The following NXPH1 variants were observed in gnomAD, a reference collection of about 807,000 sequenced individuals.
NXPH1 encodes neurexophilin 1.
NXPH1 carries 5 observed loss-of-function variants against 23.7 expected under a neutral mutation model. The ratio of observed to expected loss-of-function variants is 0.21; its 90% CI spans 0.11 to 0.44. The LOEUF (loss-of-function observed/expected upper bound fraction) is 0.44. Ranked by LOEUF, NXPH1 falls within the 20% of genes least tolerant of loss-of-function variation. The pLI, the probability that NXPH1 is intolerant of heterozygous loss-of-function variation, is 0.99. For synonymous variants in NXPH1, 144 were observed against 122.2 expected (o/e 1.18, Z -1.18); for missense variants, 324 against 321.6 (o/e 1.01, Z -0.06).
chr7:8,625,240 G>GTAAAATATAACA (rs1302718914), intron 2 of NXPH1, among the ~76,000 whole-genome samples: 1 of 152,126 alleles, frequency 6.6e-6, no homozygotes, highest in Admixed American at 6.6e-5. Flanking sequence ...TAACTTGACT[G>GTAAAATATAACA]AATAGTAAAA....
chr7:8,714,530 G>C (rs1246367349), intron 2 of NXPH1, among the ~76,000 whole-genome samples: 1 of 151,880 alleles, frequency 6.6e-6, no homozygotes, highest in African/African-American at 2.4e-5. Context: ...AGCCACCACA[G>C]ATGTTAATGT....
At chr7:8,501,253 T>C (rs983733183) in intron 2 of NXPH1, among the ~76,000 whole-genome samples, 1 of 152,102 alleles carries the variant, frequency 6.6e-6, no homozygotes, top group African/African-American at 2.4e-5. Flanking sequence ...GCTTTTCATG[T>C]GCACAATGCA....
At chr7:8,696,697 A>G (rs1263927946) in intron 2 of NXPH1, among the ~76,000 whole-genome samples, 2 of 151,950 alleles carry the variant, frequency 1.3e-5, no homozygotes, top group Non-Finnish European at 2.9e-5. Context: ...GTATAGAGAG[A>G]GTAGAATAAA....
At chr7:8,494,121 A>G (rs1233099113) in intron 2 of NXPH1, among the ~76,000 whole-genome samples, 1 of 152,018 alleles carries the variant, frequency 6.6e-6, no homozygotes, top group African/African-American at 2.4e-5. Flanking sequence ...GCTCACAGGG[A>G]GGTACTACTT....
chr7:8,681,926 T>C (rs1562453167), intron 2 of NXPH1, among the ~76,000 whole-genome samples: 1 of 152,170 alleles, frequency 6.6e-6, no homozygotes, highest in Non-Finnish European at 1.5e-5. Flanking sequence ...TTGCCCCTTT[T>C]CTAGAAATCT....
At chr7:8,474,764 T>A (rs914874542) in intron 2 of NXPH1, among the ~76,000 whole-genome samples, 1 of 152,156 alleles carries the variant, frequency 6.6e-6, no homozygotes, top group Non-Finnish European at 1.5e-5. Context: ...TACTTTTTCA[T>A]GTCTCTTTTT....
chr7:8,472,958 C>T (rs1215537338), intron 2 of NXPH1, among the ~76,000 whole-genome samples: 2 of 152,148 alleles, frequency 1.3e-5, no homozygotes, highest in African/African-American at 4.8e-5. Flanking sequence ...TATGGCCAAT[C>T]TACCTTGTCA....
At chr7:8,516,953 G>A (rs1238680820) in intron 2 of NXPH1, among the ~76,000 whole-genome samples, 1 of 152,046 alleles carries the variant, frequency 6.6e-6, no homozygotes, top group African/African-American at 2.4e-5. Flanking sequence ...TTGTCCTTTA[G>A]GGTTTAATTA....
chr7:8,724,588 C>G (rs915700470), intron 2 of NXPH1, among the ~76,000 whole-genome samples: 1 of 152,232 alleles, frequency 6.6e-6, no homozygotes, highest in Non-Finnish European at 1.5e-5. Flanking sequence ...TACAGCATCT[C>G]TAGTCATTTT....
chr7:8,751,450 G>A lies in NXPH1; in HGVS notation c.497G>A (p.Ser166Asn), dbSNP rs1164012841. The A allele has an allele frequency of 1.9e-6, 3 of 1,613,818 alleles. No homozygotes were observed. The highest frequency in any genetic ancestry group is 1.6e-4 in the Middle Eastern group (1 of 6,062). The change falls in exon 3 of 3, where the codon AGC (serine) becomes AAC (asparagine). Residue 166 changes from serine (S) to asparagine (N), a missense_variant. Ser to Asn is a conservative substitution (Grantham distance 46, BLOSUM62 1). Transcript: ENST00000405863. This position sits in a 1 kb window ranked among gnomAD's most constrained non-coding sequence, Gnocchi z 4.5. ...ACTGGTCAAGGGAATGTATCTGTCA[G>A]CTTGGTACCCCCTACAAAAATCGTG... ...NSTGQGNVSV[S>N]LVPPTKIVEF...
rs1253420728 is a variant in NXPH1, at chr7:8,442,048, G to A, written c.54+6281G>A. Among the ~76,000 whole-genome samples the A allele has an allele frequency of 1.3e-5, 2 of 152,286 alleles. No homozygotes were observed. The highest frequency in any genetic ancestry group is 3.9e-4 in the East Asian group (2 of 5,162). On this transcript the variant is annotated intron_variant, in intron 2 of 2. Coordinates refer to ENST00000405863, the MANE Select transcript of NXPH1 (RefSeq NM_152745.3). The surrounding 1 kb of genome is among the most constrained non-coding windows in gnomAD (Gnocchi z 4.6). Reference sequence around the variant, plus strand: ...GAAAGCGAGATGGCGTTGGGAGCCAGGGCGTTGGGACGGCACAAGCAGTGG... The same window carrying A: ...GAAAGCGAGATGGCGTTGGGAGCCAAGGCGTTGGGACGGCACAAGCAGTGG...
intron 2 of NXPH1, among the ~76,000 whole-genome samples, chr7:8,719,442 C>G (rs1038962937): frequency 2.0e-5 from 3 of 150,600 alleles, no homozygotes; most frequent in Non-Finnish European, 4.4e-5. Flanking sequence ...ATAGTACAAC[C>G]CTAGTGGGGA....
intron 2 of NXPH1, among the ~76,000 whole-genome samples, chr7:8,646,582 T>C (rs1820403048): frequency 1.3e-5 from 2 of 152,250 alleles, no homozygotes; most frequent in South Asian, 4.1e-4. Context: ...TATTTGTAGT[T>C]ATATTTTATC....
intron 2 of NXPH1, among the ~76,000 whole-genome samples, chr7:8,673,435 CA>C (rs1241573116): frequency 2.0e-5 from 3 of 152,142 alleles, no homozygotes; most frequent in Admixed American, 1.3e-4. Flanking sequence ...GATATATACT[CA>C]AAAATGGAAA....
At chr7:8,640,270 T>C (rs1235725359) in intron 2 of NXPH1, among the ~76,000 whole-genome samples, 2 of 152,010 alleles carry the variant, frequency 1.3e-5, no homozygotes, top group South Asian at 2.1e-4. Flanking sequence ...AAAAAATGTT[T>C]AGTGATTTAT....
intron 2 of NXPH1, among the ~76,000 whole-genome samples, chr7:8,448,487 G>C (rs918277950): frequency 1.3e-5 from 2 of 152,176 alleles, no homozygotes; most frequent in Non-Finnish European, 2.9e-5. Flanking sequence ...TATGTATTTA[G>C]AGTGGATAGT....
intron 2 of NXPH1, among the ~76,000 whole-genome samples, chr7:8,701,659 G>C (rs1471771657): frequency 6.6e-6 from 1 of 151,986 alleles, no homozygotes; most frequent in Admixed American, 6.6e-5. Context: ...CTGAATTTCT[G>C]CACTTGTGTT....
rs1562475070 is a variant in NXPH1 at position 8,751,394 on chromosome 7, G to C, written c.441G>C (p.Gly147=). ...ITGKIVDHGN[G]TFSVYFRHNS... ...GGAAAATTGTAGATCATGGCAATGGGACATTTAGTGTTTATTTCAGGCATA... is the reference window on the plus strand; with the variant it reads ...GGAAAATTGTAGATCATGGCAATGGCACATTTAGTGTTTATTTCAGGCATA... The change falls in exon 3 of 3, where the codon GGG becomes GGC. Residue 147 remains glycine, a synonymous_variant. Transcript: ENST00000405863. The surrounding 1 kb of genome is among the most constrained non-coding windows in gnomAD (Gnocchi z 4.5). 6.2e-7 allele frequency: 1 copy of C among 1,613,900 alleles called. No homozygotes were observed. The highest frequency in any genetic ancestry group is 2.2e-5 in the East Asian group (1 of 44,884).
At chr7:8,685,897 T>A (rs893905863) in intron 2 of NXPH1, among the ~76,000 whole-genome samples, 1 of 152,094 alleles carries the variant, frequency 6.6e-6, no homozygotes, top group South Asian at 2.1e-4. Flanking sequence ...AGAATAATTG[T>A]ACATTTTAAA....
Sources: gnomAD v4.1 joint callset for allele counts (sites outside exome capture counted in the v4.1 genomes callset) on GRCh38, gnomAD v4.1.1 for gene constraint, Gnocchi (gnomAD v3.1) non-coding constraint, MANE v1.5 for transcripts, NCBI Gene and HGNC (gene_info 2026-07-23, HGNC 2026-07-21) for gene names.